NME7: variants seen among roughly 807,000 people sequenced by gnomAD.
NME7 encodes nucleoside diphosphate kinase 7.
NME7 carries 41 observed loss-of-function variants against 49.1 expected under a neutral mutation model. That is an observed-to-expected ratio of 0.83 (90% CI 0.65 to 1.08). The LOEUF (loss-of-function observed/expected upper bound fraction) is 1.08, where lower values mean the gene tolerates loss of function less well. Among genes scored for constraint, NME7 ranks in the 50% least tolerant of loss-of-function variants. NME7 has a pLI of 0.00. For synonymous variants in NME7, 139 were observed against 150.6 expected, an observed-to-expected ratio of 0.92 and a Z score of 0.56; for missense variants, 423 against 463.4, an observed-to-expected ratio of 0.91 and a Z score of 0.80.
At chr1:169,185,013 G>A (rs1660028756) in intron 10 of NME7, among the ~76,000 whole-genome samples, 1 of 152,108 alleles carries the variant, frequency 6.6e-6, no homozygotes, top group East Asian at 1.9e-4. Context: ...TATGCAAAGT[G>A]CTATAAGGGG....
intron 10 of NME7, among the ~76,000 whole-genome samples, chr1:169,211,121 G>T (rs1660805712): frequency 1.3e-5 from 2 of 151,490 alleles, no homozygotes; most frequent in South Asian, 4.2e-4. Context: ...ATAATGTTTT[G>T]CTTGGAAGAC....
At chr1:169,235,868 A>G (rs1265159720) in intron 8 of NME7, among the ~76,000 whole-genome samples, 1 of 152,156 alleles carries the variant, frequency 6.6e-6, no homozygotes, top group Non-Finnish European at 1.5e-5. Flanking sequence ...ACTTATTCTT[A>G]TCAAGGCTGA....
chr1:169,177,769 A>C (rs1290107970), intron 10 of NME7, among the ~76,000 whole-genome samples: 2 of 152,124 alleles, frequency 1.3e-5, no homozygotes, highest in African/African-American at 2.4e-5. Context: ...TTTCAAAGGC[A>C]CCAAGCTCTT....
At chr1:169,251,601 GC>G (rs1648619190) in intron 7 of NME7, among the ~76,000 whole-genome samples, 1 of 127,772 alleles carries the variant, frequency 7.8e-6, no homozygotes, top group South Asian at 2.5e-4. Context: ...GGGTACATGT[GC>G]ACATTGTGCA....
At chr1:169,198,601 C>T (rs2101774268) in intron 10 of NME7, among the ~76,000 whole-genome samples, 1 of 152,094 alleles carries the variant, frequency 6.6e-6, no homozygotes, top group Middle Eastern at 3.4e-3. Context: ...ATGAAAAAGG[C>T]CAGTCATGAA....
intron 3 of NME7, among the ~76,000 whole-genome samples, chr1:169,311,829 T>C (rs1206883014): frequency 6.6e-6 from 1 of 152,216 alleles, no homozygotes; most frequent in African/African-American, 2.4e-5. Flanking sequence ...AATCTGATTT[T>C]CTCTTAAATG....
intron 1 of NME7, among the ~76,000 whole-genome samples, chr1:169,330,142 C>T (rs1352351331): frequency 6.6e-6 from 1 of 152,070 alleles, no homozygotes; most frequent in African/African-American, 2.4e-5. Context: ...CCCAGACAAA[C>T]AGAAGCTGAG....
intron 11 of NME7, among the ~76,000 whole-genome samples, chr1:169,164,511 G>A (rs542812843): frequency 9.8e-5 from 15 of 152,306 alleles, no homozygotes; most frequent in South Asian, 2.1e-4. Flanking sequence ...GTTTTACAGA[G>A]TGAGGAAACC....
intron 7 of NME7, among the ~76,000 whole-genome samples, chr1:169,255,081 C>A (rs1356171450): frequency 1.5e-5 from 2 of 136,218 alleles, no homozygotes; most frequent in Admixed American, 7.2e-5. Context: ...CTATTAGGTC[C>A]GCTTGGTGCA....
chr1:169,298,462 C>T, intron 6 of NME7, 94 bp downstream of exon 6: 1 of 1,276,444 alleles, frequency 7.8e-7, no homozygotes, highest in Non-Finnish European at 1.1e-6. Flanking sequence ...CAGCATAAAT[C>T]CACCCTAAGT....
chr1:169,235,907 G>A (rs750971787), intron 8 of NME7, among the ~76,000 whole-genome samples: 37 of 151,802 alleles, frequency 2.4e-4, no homozygotes, highest in Non-Finnish European at 4.9e-4. Context: ...ATAAAATTTC[G>A]TTAAATTCTA....
At chr1:169,263,603 A>G (rs12759617) in intron 7 of NME7, among the ~76,000 whole-genome samples, 11,866 of 133,580 alleles carry the variant, frequency 0.089, 3,197 homozygotes, top group East Asian at 0.75. Flanking sequence ...ATATGGAATT[A>G]TGTAAAAGAC....
At chr1:169,316,247 CAAT>C (rs1382720303) in intron 3 of NME7, among the ~76,000 whole-genome samples, 9 of 151,750 alleles carry the variant, frequency 5.9e-5, no homozygotes, top group Admixed American at 3.9e-4. Flanking sequence ...CCAAAAACAA[CAAT>C]AATAACAAAA....
rs189838558 is a variant in NME7 at position 169,252,321 on chromosome 1, G to C, written c.755-14634C>G. On this transcript the variant is annotated intron_variant, in intron 7 of 11. Coordinates refer to ENST00000367811, the MANE Select transcript of NME7 (RefSeq NM_013330.5). Reference sequence around the variant, plus strand: ...TTTCTCTGATGGCCAGTGATGATGAGCATTTTTTCATGTGTTTTTTGGCAG... The same window carrying C: ...TTTCTCTGATGGCCAGTGATGATGACCATTTTTTCATGTGTTTTTTGGCAG... 3.1e-3 allele frequency among the ~76,000 whole-genome samples: 466 copies of C among 152,102 alleles called. 2 individuals carry two copies. Among genetic ancestry groups the C allele is most frequent in the African/African-American group, 0.011 (449 of 41,476 alleles).
intron 11 of NME7, among the ~76,000 whole-genome samples, chr1:169,145,526 C>T (rs1658722777): frequency 6.6e-6 from 1 of 152,098 alleles, no homozygotes; most frequent in African/African-American, 2.4e-5. Context: ...CAGAAGCTTC[C>T]ATGGAGGCAC....
chr1:169,208,039 A>C (rs780090789), intron 10 of NME7, among the ~76,000 whole-genome samples: 25 of 152,262 alleles, frequency 1.6e-4, no homozygotes, highest in Admixed American at 4.6e-4. Context: ...ACTTCATACC[A>C]GATGCCCTCT....
chr1:169,236,780 G>A (rs919152144), intron 8 of NME7, among the ~76,000 whole-genome samples: 1 of 149,034 alleles, frequency 6.7e-6, no homozygotes, highest in African/African-American at 2.5e-5. Context: ...TTGTGTCCTG[G>A]TCCTTGATTT....
intron 1 of NME7, among the ~76,000 whole-genome samples, chr1:169,335,763 T>C (rs1480399839): frequency 6.8e-6 from 1 of 147,266 alleles, no homozygotes; most frequent in Non-Finnish European, 1.5e-5. Flanking sequence ...ATATTAAATA[T>C]ATATTTATAT....
At chr1:169,221,323 T>C (rs1661135914) in intron 10 of NME7, among the ~76,000 whole-genome samples, 1 of 152,140 alleles carries the variant, frequency 6.6e-6, no homozygotes, top group East Asian at 1.9e-4. Context: ...TCCAAACTCT[T>C]CAATAACTTA....
Sources: gnomAD v4.1 joint callset for allele counts (sites outside exome capture counted in the v4.1 genomes callset) on GRCh38, gnomAD v4.1.1 for gene constraint, MANE v1.5 for transcripts, NCBI Gene and HGNC (gene_info 2026-07-23, HGNC 2026-07-21) for gene names.